Variants in TBC1D5 observed in about 807,000 individuals in gnomAD.
TBC1D5 encodes TBC1 domain family, member 5.
A neutral mutation model predicts 100.3 loss-of-function variants in TBC1D5; 75 were observed. The observed-to-expected ratio is 0.75, with a 90% CI of 0.62 to 0.91. The LOEUF (loss-of-function observed/expected upper bound fraction) is 0.91. TBC1D5 is among the 40% of genes least tolerant of loss of function. The pLI, the probability that TBC1D5 is intolerant of heterozygous loss-of-function variation, is 0.00. For missense variants in TBC1D5, 910 were observed against 942.4 expected, an observed-to-expected ratio of 0.97 and a Z score of 0.45; for synonymous variants, 323 against 325.6, an observed-to-expected ratio of 0.99 and a Z score of 0.09.
chr3:17,616,387 A>G (rs2062153785), intron 2 of TBC1D5, among the ~76,000 whole-genome samples: 1 of 151,588 alleles, frequency 6.6e-6, no homozygotes, highest in Non-Finnish European at 1.5e-5. Flanking sequence ...GGAGACTTCT[A>G]TTGATGTCTA....
chr3:17,692,728 CT>C (rs2071356011), intron 1 of TBC1D5, among the ~76,000 whole-genome samples: 1 of 152,186 alleles, frequency 6.6e-6, no homozygotes, highest in African/African-American at 2.4e-5. Context: ...TTTGTTTTTA[CT>C]TCTTCACAGA....
At chr3:17,267,269 A>G (rs572385996) in intron 15 of TBC1D5, among the ~76,000 whole-genome samples, 5 of 152,230 alleles carry the variant, frequency 3.3e-5, no homozygotes, top group African/African-American at 1.2e-4. Context: ...GTAGGAGTTT[A>G]GGTCTACAAA....
intron 1 of TBC1D5, among the ~76,000 whole-genome samples, chr3:17,703,965 A>G (rs1383949615): frequency 8.1e-5 from 11 of 134,970 alleles, no homozygotes; most frequent in African/African-American, 2.8e-4. Context: ...GGTGTTTCTC[A>G]CAGAGGGGGA....
intron 1 of TBC1D5, among the ~76,000 whole-genome samples, chr3:17,626,603 T>C (rs922333295): frequency 1.3e-5 from 2 of 152,198 alleles, no homozygotes; most frequent in East Asian, 1.9e-4. Context: ...ATTCAGAAGA[T>C]GGTGAAATCA....
At chr3:17,187,766 G>C (rs1375041787) in intron 18 of TBC1D5, among the ~76,000 whole-genome samples, 1 of 152,164 alleles carries the variant, frequency 6.6e-6, no homozygotes, top group East Asian at 1.9e-4. Context: ...AAAAAGAGAG[G>C]GCCAACCTAT....
chr3:17,567,214 A>G (rs1012657957), intron 2 of TBC1D5, among the ~76,000 whole-genome samples: 21 of 151,710 alleles, frequency 1.4e-4, no homozygotes, highest in Non-Finnish European at 3.0e-4. Flanking sequence ...TTTATGCTCA[A>G]TATTTCTTAA....
At chr3:17,447,132 A>G (rs1309764736) in intron 3 of TBC1D5, among the ~76,000 whole-genome samples, 2 of 152,226 alleles carry the variant, frequency 1.3e-5, no homozygotes, top group African/African-American at 4.8e-5. Flanking sequence ...AATTACAGAA[A>G]GACCATTAGG....
At chr3:17,396,038 T>G (rs535697726) in intron 8 of TBC1D5, among the ~76,000 whole-genome samples, 1 of 152,218 alleles carries the variant, frequency 6.6e-6, no homozygotes, top group Non-Finnish European at 1.5e-5. Flanking sequence ...GAAAATCTGT[T>G]TTCCCCCCTC....
chr3:17,397,691 C>T (rs567659432), intron 8 of TBC1D5, among the ~76,000 whole-genome samples: 4 of 152,220 alleles, frequency 2.6e-5, no homozygotes, highest in African/African-American at 9.6e-5. Context: ...AAAGCTGCAT[C>T]TTTAAAAACT....
rs2072429013 is a variant in TBC1D5 at position 17,698,016 on chromosome 3, T to C, written c.-101+41327A>G. Among the ~76,000 whole-genome samples the C allele has an allele frequency of 2.0e-5, 3 of 151,886 alleles. No homozygotes were observed. The South Asian group carries it at 6.3e-4, about 32-fold the overall frequency. On this transcript the variant is annotated intron_variant, in intron 1 of 21. Coordinates refer to ENST00000253692, the Ensembl canonical transcript of TBC1D5. Reference sequence around the variant, plus strand: ...CCATCCCCATCAAGCTACCAATGACTTTCTTCACAGAATTGGAAAAAACTA... The same window carrying C: ...CCATCCCCATCAAGCTACCAATGACCTTCTTCACAGAATTGGAAAAAACTA...
intron 1 of TBC1D5, among the ~76,000 whole-genome samples, chr3:17,726,977 C>T (rs1384693573): frequency 2.0e-5 from 3 of 152,114 alleles, no homozygotes; most frequent in Non-Finnish European, 4.4e-5. Flanking sequence ...TCCTATTATA[C>T]GGCTACTAAT....
At chr3:17,206,368 G>A (rs577305015) in intron 18 of TBC1D5, among the ~76,000 whole-genome samples, 1 of 152,046 alleles carries the variant, frequency 6.6e-6, no homozygotes, top group African/African-American at 2.4e-5. Flanking sequence ...CATTAGGATT[G>A]CTCTCTTATA....
intron 1 of TBC1D5, among the ~76,000 whole-genome samples, chr3:17,627,682 G>T (rs1577096227): frequency 6.6e-6 from 1 of 151,260 alleles, no homozygotes; most frequent in Admixed American, 6.6e-5. Context: ...GAGAGAGAGA[G>T]AGAGAGAGGG....
At chr3:17,475,180 C>T (rs768957935) in intron 3 of TBC1D5, among the ~76,000 whole-genome samples, 1 of 129,726 alleles carries the variant, frequency 7.7e-6, no homozygotes, top group African/African-American at 3.9e-5. Flanking sequence ...CCTTGCCCCG[C>T]CCCACCCGTT....
At chr3:17,347,418 A>C (rs1232855911) in intron 13 of TBC1D5, among the ~76,000 whole-genome samples, 1 of 152,168 alleles carries the variant, frequency 6.6e-6, no homozygotes, top group Non-Finnish European at 1.5e-5. Flanking sequence ...AGTCACCTTT[A>C]AAACTGTTCT....
At chr3:17,739,146 G>GT (rs755481672) in intron 1 of TBC1D5, among the ~76,000 whole-genome samples, 15 of 151,826 alleles carry the variant, frequency 9.9e-5, no homozygotes, top group Non-Finnish European at 2.2e-4. Context: ...TCAAGTTCTG[G>GT]TACACACACT....
At chr3:17,207,184 T>G (rs1417621632) in intron 18 of TBC1D5, among the ~76,000 whole-genome samples, 1 of 152,210 alleles carries the variant, frequency 6.6e-6, no homozygotes, top group Non-Finnish European at 1.5e-5. Context: ...ATTTTTTGTA[T>G]ACTTTAACCT....
rs2093432991 is a variant in TBC1D5 at position 17,394,076 on chromosome 3, C to G, written c.509+9105G>C. 2.0e-5 allele frequency among the ~76,000 whole-genome samples: 3 copies of G among 152,112 alleles called. No homozygotes were observed. In the South Asian group the frequency reaches 6.2e-4, roughly 31 times the overall value. The stretch of plus-strand genomic sequence containing the variant: ...AAGTAGAGATCAGGGATCTGCTAAA[C>G]ATCCTACAGTGCGCAAAACAACCTC... On this transcript the variant is annotated intron_variant, in intron 8 of 21. Coordinates refer to ENST00000253692, the Ensembl canonical transcript of TBC1D5.
intron 12 of TBC1D5, 87 bp from the exon 13 acceptor site, chr3:17,372,334 C>A: frequency 7.9e-7 from 1 of 1,264,842 alleles, no homozygotes; most frequent in Non-Finnish European, 1.1e-6. Context: ...ACAGTTTAAA[C>A]AAGAAGTCTT....
Sources: allele counts gnomAD v4.1 joint callset (sites outside exome capture counted in the v4.1 genomes callset), GRCh38; gene constraint gnomAD v4.1.1; transcripts MANE v1.5; gene names NCBI Gene and HGNC (gene_info 2026-07-23, HGNC 2026-07-21).